ST6GALNAC3: variants seen among roughly 807,000 people sequenced by gnomAD.
The protein encoded by ST6GALNAC3 is ST6 N-acetylgalactosaminide alpha-2,6-sialyltransferase 3.
ST6GALNAC3 carries 25 observed loss-of-function variants against 32.7 expected under a neutral mutation model. That is an observed-to-expected ratio of 0.76 (90% CI 0.56 to 1.07). The LOEUF (loss-of-function observed/expected upper bound fraction) is 1.07, where lower values mean the gene tolerates loss of function less well. Among genes scored for constraint, ST6GALNAC3 ranks in the 50% least tolerant of loss-of-function variants. The probability of loss-of-function intolerance (pLI) is 0.00; values close to 1 mark genes in which losing one functional copy is unlikely to be tolerated. For synonymous variants in ST6GALNAC3, 129 were observed against 133.1 expected (o/e 0.97, Z 0.21); for missense variants, 355 against 382.4 (o/e 0.93, Z 0.60).
intron 3 of ST6GALNAC3, among the ~76,000 whole-genome samples, chr1:76,539,084 G>C (rs1332814797): frequency 6.6e-6 from 1 of 152,114 alleles, no homozygotes; most frequent in Non-Finnish European, 1.5e-5. Flanking sequence ...AAAGAACAAA[G>C]CTGGAGGCAT....
intron 1 of ST6GALNAC3, among the ~76,000 whole-genome samples, chr1:76,155,967 C>G (rs1056825522): frequency 1.3e-5 from 2 of 152,132 alleles, no homozygotes; most frequent in African/African-American, 2.4e-5. Context: ...ACCGCCTTAC[C>G]TTAGTTGTCA....
intron 1 of ST6GALNAC3, among the ~76,000 whole-genome samples, chr1:76,206,875 T>C (rs1381163153): frequency 6.6e-6 from 1 of 152,234 alleles, no homozygotes; most frequent in Non-Finnish European, 1.5e-5. Context: ...TAAGCTGTTT[T>C]CTTTGTACTA....
At chr1:76,160,402 C>T (rs1176955611) in intron 1 of ST6GALNAC3, among the ~76,000 whole-genome samples, 2 of 152,118 alleles carry the variant, frequency 1.3e-5, no homozygotes, top group African/African-American at 2.4e-5. Context: ...GCCAGGAGGG[C>T]CTGCTGGAAG....
chr1:76,296,914 T>A (rs555816423), intron 1 of ST6GALNAC3, among the ~76,000 whole-genome samples: 2 of 152,178 alleles, frequency 1.3e-5, no homozygotes, highest in East Asian at 3.9e-4. Flanking sequence ...GTGTGTTGAT[T>A]GGTGAAAAAC....
chr1:76,247,438 C>G (rs982949072), intron 1 of ST6GALNAC3, among the ~76,000 whole-genome samples: 1 of 152,198 alleles, frequency 6.6e-6, no homozygotes, highest in African/African-American at 2.4e-5. Flanking sequence ...ACCCCTCCCC[C>G]TAAGTGCTCT....
intron 1 of ST6GALNAC3, among the ~76,000 whole-genome samples, chr1:76,164,553 T>C (rs763049008): frequency 1.6e-4 from 24 of 152,234 alleles, no homozygotes; most frequent in Non-Finnish European, 3.1e-4. Flanking sequence ...CTAGGATTCC[T>C]AAGCATTATT....
chr1:76,504,561 T>C (rs1261060951), intron 3 of ST6GALNAC3, among the ~76,000 whole-genome samples: 1 of 152,138 alleles, frequency 6.6e-6, no homozygotes, highest in Non-Finnish European at 1.5e-5. Context: ...TCATACCACA[T>C]GAAAGTAATC....
chr1:76,097,528 A>G (rs1647155534), intron 1 of ST6GALNAC3, among the ~76,000 whole-genome samples: 1 of 152,216 alleles, frequency 6.6e-6, no homozygotes, highest in Non-Finnish European at 1.5e-5. Flanking sequence ...TTCCCCAGCC[A>G]TACTGAACTG....
At chr1:76,090,064 G>A (rs1647023942) in intron 1 of ST6GALNAC3, among the ~76,000 whole-genome samples, 1 of 152,122 alleles carries the variant, frequency 6.6e-6, no homozygotes, top group Non-Finnish European at 1.5e-5. Flanking sequence ...CTGAGCCACG[G>A]TTTCTCCATT....
chr1:76,540,949 A>G (rs1226690359), intron 3 of ST6GALNAC3, among the ~76,000 whole-genome samples: 3 of 152,192 alleles, frequency 2.0e-5, no homozygotes, highest in Non-Finnish European at 4.4e-5. Flanking sequence ...GGTAAGTGTG[A>G]TGATAGATAC....
chr1:76,435,583 G>C (rs187147740), intron 3 of ST6GALNAC3, among the ~76,000 whole-genome samples: 3 of 152,272 alleles, frequency 2.0e-5, no homozygotes, highest in Admixed American at 2.0e-4. Context: ...GCATTATGCT[G>C]AGACCCTGGT....
intron 2 of ST6GALNAC3, among the ~76,000 whole-genome samples, chr1:76,383,006 A>T (rs1473444745): frequency 6.6e-6 from 1 of 152,144 alleles, no homozygotes; most frequent in East Asian, 1.9e-4. Flanking sequence ...GAAAATCTTA[A>T]AGTCTGTCAG....
chr1:76,138,920 C>A (rs896040170), intron 1 of ST6GALNAC3, among the ~76,000 whole-genome samples: 1 of 152,102 alleles, frequency 6.6e-6, no homozygotes, highest in African/African-American at 2.4e-5. Flanking sequence ...ACTGGCCGGG[C>A]GCAGTGGCTC....
intron 1 of ST6GALNAC3, among the ~76,000 whole-genome samples, chr1:76,272,343 A>AAT (rs1658896818): frequency 1.3e-5 from 2 of 151,798 alleles, no homozygotes. Flanking sequence ...AAAAAAAAAA[A>AAT]AATTAAAACA....
chr1:76,612,063 A>G (rs1002419892), intron 3 of ST6GALNAC3, among the ~76,000 whole-genome samples: 1 of 151,868 alleles, frequency 6.6e-6, no homozygotes, highest in Non-Finnish European at 1.5e-5. Flanking sequence ...GGGAAAACAT[A>G]TTTTTCTCCA....
chr1:76,507,903 A>G (rs1661576653), intron 3 of ST6GALNAC3, among the ~76,000 whole-genome samples: 1 of 152,214 alleles, frequency 6.6e-6, no homozygotes, highest in Non-Finnish European at 1.5e-5. Flanking sequence ...AGCAGTGTAC[A>G]AGGGTTCCAA....
intron 1 of ST6GALNAC3, among the ~76,000 whole-genome samples, chr1:76,309,437 GAC>G (rs567651992): frequency 2.0e-5 from 3 of 152,092 alleles, no homozygotes; most frequent in African/African-American, 4.8e-5. Context: ...ACATCCCTAT[GAC>G]ACACACACAT....
At chr1:76,467,097 CA>C (rs1557448235) in intron 3 of ST6GALNAC3, among the ~76,000 whole-genome samples, 1 of 151,586 alleles carries the variant, frequency 6.6e-6, no homozygotes. Flanking sequence ...ATCTAATTTA[CA>C]AAAAAAGAAA....
Position 76,420,063 on chromosome 1 carries a change from C to T in ST6GALNAC3, c.623+7646C>T, listed in dbSNP as rs531990050. The stretch of plus-strand genomic sequence containing the variant: ...GTGCTCCGAGCGGAGAGAGAAAAAC[C>T]CCATAGCTCCTTTTCTTAGTGAAGA... On this transcript the variant is annotated intron_variant, in intron 3 of 4. Transcript: ENST00000328299. 2.0e-5 allele frequency among the ~76,000 whole-genome samples: 3 copies of T among 151,854 alleles called. No individual in the cohort carries two copies. In the South Asian group the frequency reaches 6.2e-4, roughly 32 times the overall value.
Sources: gnomAD v4.1 joint callset for allele counts (sites outside exome capture counted in the v4.1 genomes callset) on GRCh38, gnomAD v4.1.1 for gene constraint, MANE v1.5 for transcripts, NCBI Gene and HGNC (gene_info 2026-07-23, HGNC 2026-07-21) for gene names.